The following SYT16 variants were observed in gnomAD, a reference collection of about 807,000 sequenced individuals.
SYT16 encodes the protein synaptotagmin-16.
A neutral mutation model predicts 61.4 loss-of-function variants in SYT16; 42 were observed. That is an observed-to-expected ratio of 0.68 (90% CI 0.53 to 0.89). The LOEUF (loss-of-function observed/expected upper bound fraction) is 0.89. SYT16 is among the 40% of genes least tolerant of loss of function. The probability of loss-of-function intolerance (pLI) is 0.00; values close to 1 mark genes in which losing one functional copy is unlikely to be tolerated. For synonymous variants in SYT16, 314 were observed against 302.3 expected (o/e 1.04, Z -0.40); for missense variants, 804 against 807.3 (o/e 1.00, Z 0.05).
intron 3 of SYT16, among the ~76,000 whole-genome samples, chr14:62,055,727 A>G (rs1304069987): frequency 1.3e-5 from 2 of 152,232 alleles, no homozygotes; most frequent in Non-Finnish European, 2.9e-5. Context: ...ATATAGGTGT[A>G]TTAGTCAGGG....
chr14:62,052,085 C>G (rs984534358), intron 3 of SYT16, among the ~76,000 whole-genome samples: 4 of 152,070 alleles, frequency 2.6e-5, no homozygotes, highest in Non-Finnish European at 5.9e-5. Context: ...CTGCTTTTAT[C>G]TTTTATAGTT....
intron 7 of SYT16, among the ~76,000 whole-genome samples, chr14:62,089,174 C>G (rs2056985330): frequency 6.6e-6 from 1 of 151,922 alleles, no homozygotes; most frequent in Non-Finnish European, 1.5e-5. Context: ...AAAAAATTAG[C>G]CAGGCATGGT....
intron 1 of SYT16, among the ~76,000 whole-genome samples, chr14:61,958,358 A>G (rs1195482596): frequency 1.3e-5 from 2 of 151,126 alleles, no homozygotes; most frequent in African/African-American, 2.4e-5. Context: ...CTTGAGGTAT[A>G]TAGTTAGGTT....
intron 1 of SYT16, among the ~76,000 whole-genome samples, chr14:61,937,423 T>C (rs1331849794): frequency 6.6e-6 from 1 of 152,214 alleles, no homozygotes; most frequent in African/African-American, 2.4e-5. Flanking sequence ...GTAAGGTACA[T>C]AGGAGCTGTA....
chr14:61,981,395 A>G (rs1045439798), intron 2 of SYT16, among the ~76,000 whole-genome samples: 1 of 152,126 alleles, frequency 6.6e-6, no homozygotes, highest in Non-Finnish European at 1.5e-5. Flanking sequence ...TTCCTTCAGT[A>G]TATTATGGTG....
intron 1 of SYT16, among the ~76,000 whole-genome samples, chr14:61,859,331 G>A (rs1169785620): frequency 6.6e-6 from 1 of 152,040 alleles, no homozygotes; most frequent in East Asian, 1.9e-4. Context: ...ACAAGATGGC[G>A]GCCAGACACG....
chr14:61,884,660 T>A (rs2047831151), intron 1 of SYT16, among the ~76,000 whole-genome samples: 1 of 152,210 alleles, frequency 6.6e-6, no homozygotes, highest in Non-Finnish European at 1.5e-5. Context: ...CTTTCCTGTT[T>A]CCAAAATTAG....
intron 2 of SYT16, among the ~76,000 whole-genome samples, chr14:61,992,034 A>G (rs1253659707): frequency 1.3e-5 from 2 of 152,100 alleles, no homozygotes; most frequent in East Asian, 3.9e-4. Flanking sequence ...CTGGAGCTAC[A>G]AAGTATAAGC....
intron 1 of SYT16, among the ~76,000 whole-genome samples, chr14:61,963,487 G>C (rs1389854206): frequency 6.6e-6 from 1 of 152,170 alleles, no homozygotes; most frequent in African/African-American, 2.4e-5. Flanking sequence ...GCCTAATCCA[G>C]AGTAAAACCC....
chr14:62,013,707 C>T (rs1005895635), intron 3 of SYT16, among the ~76,000 whole-genome samples: 67 of 151,936 alleles, frequency 4.4e-4, no homozygotes, highest in African/African-American at 1.5e-3. Flanking sequence ...GGCTCATGCC[C>T]GTAATCCCAG....
intron 3 of SYT16, among the ~76,000 whole-genome samples, chr14:62,042,969 T>C (rs2054797433): frequency 6.6e-6 from 1 of 152,228 alleles, no homozygotes; most frequent in African/African-American, 2.4e-5. Context: ...AGAACCATTG[T>C]TTATGCCCCC....
chr14:62,017,164 A>G (rs1003546181), intron 3 of SYT16, among the ~76,000 whole-genome samples: 1 of 152,218 alleles, frequency 6.6e-6, no homozygotes, highest in Non-Finnish European at 1.5e-5. Context: ...TTCATCAAAT[A>G]CTGGTTTTAT....
intron 1 of SYT16, among the ~76,000 whole-genome samples, chr14:61,948,676 T>G (rs1169281347): frequency 1.3e-5 from 2 of 152,152 alleles, no homozygotes; most frequent in Non-Finnish European, 2.9e-5. Flanking sequence ...TTGGTAGCAC[T>G]CAATGACAGC....
intron 3 of SYT16, among the ~76,000 whole-genome samples, chr14:62,060,842 T>C (rs1049858229): frequency 6.6e-6 from 1 of 152,062 alleles, no homozygotes; most frequent in Non-Finnish European, 1.5e-5. Flanking sequence ...CCTCATAAAA[T>C]GGGTTGAGAA....
chr14:62,084,193 C>T lies in SYT16; in HGVS notation c.1435-3C>T, dbSNP rs1158825934. 9 of 1,612,352 alleles carry T rather than the reference C, an allele frequency of 5.6e-6. No individual in the cohort carries two copies. The highest frequency in any genetic ancestry group is 7.6e-6 in the Non-Finnish European group (9 of 1,179,390). On this transcript the variant is annotated splice_polypyrimidine_tract_variant and splice_region_variant and intron_variant, in intron 6 of 7. Transcript: ENST00000683842. ...TGGATTCTTTGTTGTTCTTCCCCTC[C>T]AGAGTGGAGGGTCTCCGCTCAGCCC...
intron 1 of SYT16, among the ~76,000 whole-genome samples, chr14:61,946,325 G>A (rs190972650): frequency 6.6e-6 from 1 of 152,140 alleles, no homozygotes; most frequent in Non-Finnish European, 1.5e-5. Context: ...ACTTATAAGT[G>A]GGAGCTAAAC....
At chr14:61,993,229 C>T (rs1479072882) in intron 2 of SYT16, among the ~76,000 whole-genome samples, 1 of 147,462 alleles carries the variant, frequency 6.8e-6, no homozygotes, top group African/African-American at 2.5e-5. Flanking sequence ...CACATGGACA[C>T]AGGAAGGGGA....
intron 2 of SYT16, among the ~76,000 whole-genome samples, chr14:61,992,615 A>G (rs2052597933): frequency 1.3e-5 from 2 of 152,108 alleles, no homozygotes; most frequent in South Asian, 4.1e-4. Context: ...CACTAAGCCC[A>G]GTTGGATGGT....
intron 3 of SYT16, among the ~76,000 whole-genome samples, chr14:62,056,323 G>T (rs2055553358): frequency 6.6e-6 from 1 of 152,056 alleles, no homozygotes; most frequent in Non-Finnish European, 1.5e-5. Flanking sequence ...CCCTTTAGGG[G>T]CCTAAATACA....
Sources: allele counts gnomAD v4.1 joint callset (sites outside exome capture counted in the v4.1 genomes callset), GRCh38; gene constraint gnomAD v4.1.1; transcripts MANE v1.5; gene names NCBI Gene and HGNC (gene_info 2026-07-23, HGNC 2026-07-21).